Variants in TRPC4 observed in about 807,000 individuals in gnomAD.
TRPC4 encodes the protein transient receptor potential cation channel subfamily C member 4.
A neutral mutation model predicts 99.4 loss-of-function variants in TRPC4; 49 were observed. That is an observed-to-expected ratio of 0.49 (90% CI 0.39 to 0.63). The LOEUF (loss-of-function observed/expected upper bound fraction) is 0.63. Among genes scored for constraint, TRPC4 ranks in the 20% least tolerant of loss-of-function variants. TRPC4 has a pLI of 0.00. For synonymous variants in TRPC4, 454 were observed against 425.9 expected (o/e 1.07, Z -0.81); for missense variants, 898 against 1,152.9 (o/e 0.78, Z 3.20).
rs1272142050 is a variant in TRPC4 at position 37,637,295 on chromosome 13, A to G, written c.2542T>C (p.Phe848Leu). Residue 848 changes from phenylalanine (F) to leucine (L), a missense_variant, in exon 11 of 11, where the codon TTT becomes CTT. Phe to Leu is a conservative substitution (Grantham distance 22). Transcript: ENST00000379705. ...GCATTTTGTTTTGATCGTCTATGAA[A>G]TAACCCAAAGTTTTTGATATCGGTC... ...FVTDIKNFGL[F>L]HRRSKQNAAE... is the part of the protein sequence containing the mutation. 2 of 1,613,786 alleles carry G rather than the reference A, an allele frequency of 1.2e-6. No homozygotes were observed. Among genetic ancestry groups the G allele is most frequent in the Non-Finnish European group, 1.7e-6 (2 of 1,179,902 alleles).
chr13:37,748,367 A>T (rs1566141342), intron 2 of TRPC4, among the ~76,000 whole-genome samples: 1 of 152,152 alleles, frequency 6.6e-6, no homozygotes, highest in Non-Finnish European at 1.5e-5. Flanking sequence ...ATGCTTTTTA[A>T]GCTGTTAAGA....
chr13:37,773,593 A>C (rs1461888742), intron 2 of TRPC4, among the ~76,000 whole-genome samples: 1 of 151,802 alleles, frequency 6.6e-6, no homozygotes, highest in Non-Finnish European at 1.5e-5. Flanking sequence ...GAAAAATGGC[A>C]GTTGAAGTAC....
intron 1 of TRPC4, among the ~76,000 whole-genome samples, chr13:37,796,537 T>G (rs1593763744): frequency 6.6e-6 from 1 of 152,136 alleles, no homozygotes; most frequent in South Asian, 2.1e-4. Context: ...GGATCACCCA[T>G]GCAGTGGGTC....
At chr13:37,821,490 A>G (rs1958009189) in intron 1 of TRPC4, among the ~76,000 whole-genome samples, 1 of 152,192 alleles carries the variant, frequency 6.6e-6, no homozygotes, top group Non-Finnish European at 1.5e-5. Context: ...ACCAAAGAAG[A>G]GTCCAAATAG....
intron 1 of TRPC4, among the ~76,000 whole-genome samples, chr13:37,825,250 G>A (rs1310169051): frequency 6.6e-6 from 1 of 151,656 alleles, no homozygotes; most frequent in Non-Finnish European, 1.5e-5. Context: ...TTTTTTGAAG[G>A]GTTTTTTGTG....
intron 3 of TRPC4, among the ~76,000 whole-genome samples, chr13:37,694,672 G>A (rs1457279580): frequency 6.6e-6 from 1 of 151,662 alleles, no homozygotes; most frequent in Non-Finnish European, 1.5e-5. Flanking sequence ...TTTAGTTATT[G>A]AAAGTATATA....
At chr13:37,770,895 T>C (rs1233599736) in intron 2 of TRPC4, among the ~76,000 whole-genome samples, 1 of 151,652 alleles carries the variant, frequency 6.6e-6, no homozygotes, top group Non-Finnish European at 1.5e-5. Flanking sequence ...CACGAAATAG[T>C]TTATTTTTAA....
intron 1 of TRPC4, among the ~76,000 whole-genome samples, chr13:37,821,190 CCACACACACACA>C (rs3086254): frequency 1.2e-4 from 17 of 136,014 alleles, no homozygotes; most frequent in East Asian, 9.1e-4. Context: ...TTCACAATAG[CCACACACACACA>C]CACACACACA....
intron 2 of TRPC4, among the ~76,000 whole-genome samples, chr13:37,778,167 C>T (rs1196302425): frequency 2.0e-5 from 3 of 152,054 alleles, no homozygotes; most frequent in Admixed American, 6.6e-5. Context: ...CCATTCAAAT[C>T]GATGCAGTGG....
intron 2 of TRPC4, among the ~76,000 whole-genome samples, chr13:37,751,408 G>GAGAGAA (rs1555266814): frequency 1.7e-4 from 26 of 151,824 alleles, no homozygotes; most frequent in African/African-American, 5.3e-4. Context: ...GAGAGAGAGA[G>GAGAGAA]AGAAAGAAAG....
At chr13:37,745,487 C>CTTATATAT (rs1427229587) in intron 3 of TRPC4, among the ~76,000 whole-genome samples, 3 of 117,004 alleles carry the variant, frequency 2.6e-5, no homozygotes, top group African/African-American at 1.1e-4. Flanking sequence ...CACACACACA[C>CTTATATAT]ACTTATATAT....
At chr13:37,803,473 T>A (rs2139439994) in intron 1 of TRPC4, among the ~76,000 whole-genome samples, 1 of 152,180 alleles carries the variant, frequency 6.6e-6, no homozygotes, top group South Asian at 2.1e-4. Context: ...CATTCTGATA[T>A]TTAAAACTCC....
At chr13:37,728,412 A>G (rs1955132142) in intron 3 of TRPC4, among the ~76,000 whole-genome samples, 1 of 152,068 alleles carries the variant, frequency 6.6e-6, no homozygotes, top group Non-Finnish European at 1.5e-5. Flanking sequence ...TTAAAAGGAA[A>G]TTAAGGAAAT....
intron 1 of TRPC4, among the ~76,000 whole-genome samples, chr13:37,812,488 T>C (rs1210606249): frequency 6.6e-6 from 1 of 151,978 alleles, no homozygotes. Context: ...ATGTGAGAAG[T>C]AAAATATATT....
intron 1 of TRPC4, among the ~76,000 whole-genome samples, chr13:37,784,879 G>A (rs1956930972): frequency 6.6e-6 from 1 of 151,932 alleles, no homozygotes; most frequent in African/African-American, 2.4e-5. Flanking sequence ...AAAGTATCTA[G>A]GTGTTTAAGA....
chr13:37,852,964 A>G lies in TRPC4; in HGVS notation c.-28+16631T>C, dbSNP rs74419122. On this transcript the variant is annotated intron_variant, in intron 1 of 10. Coordinates refer to ENST00000379705, the MANE Select transcript of TRPC4 (RefSeq NM_016179.4). ...CTGCAGTAGAATGGAACATCAGGCAAATTCCTAAGACTTTTGACTCTAATC... is the reference window on the plus strand; with the variant it reads ...CTGCAGTAGAATGGAACATCAGGCAGATTCCTAAGACTTTTGACTCTAATC... 8.9e-3 allele frequency among the ~76,000 whole-genome samples: 1,362 copies of G among 152,212 alleles called. 36 individuals are homozygous for G. The East Asian group carries it at 0.1, about 11-fold the overall frequency.
chr13:37,708,294 G>A (rs1444044353), intron 3 of TRPC4, among the ~76,000 whole-genome samples: 1 of 152,078 alleles, frequency 6.6e-6, no homozygotes, highest in Non-Finnish European at 1.5e-5. Flanking sequence ...TTGATAGCAA[G>A]CAGAACCTAT....
intron 3 of TRPC4, among the ~76,000 whole-genome samples, chr13:37,732,894 A>C (rs1021635131): frequency 6.6e-6 from 1 of 152,202 alleles, no homozygotes. Context: ...TGCCTGAAGC[A>C]ACTACGGATT....
chr13:37,703,589 T>C (rs550989369), intron 3 of TRPC4, among the ~76,000 whole-genome samples: 2 of 152,248 alleles, frequency 1.3e-5, no homozygotes, highest in South Asian at 4.1e-4. Context: ...GCCCAACATC[T>C]GTTGCACATT....
Sources: gnomAD v4.1 joint callset for allele counts (sites outside exome capture counted in the v4.1 genomes callset) on GRCh38, gnomAD v4.1.1 for gene constraint, MANE v1.5 for transcripts, NCBI Gene and HGNC (gene_info 2026-07-23, HGNC 2026-07-21) for gene names.